Variants in FBXW2 observed in about 807,000 individuals in gnomAD.
The protein encoded by FBXW2 is F-box and WD repeat domain containing 2, also known as F-box/WD repeat-containing protein 2.
A neutral mutation model predicts 46.0 loss-of-function variants in FBXW2; 12 were observed. The observed-to-expected ratio is 0.26, with a 90% CI of 0.17 to 0.42. The LOEUF (loss-of-function observed/expected upper bound fraction) is 0.42, where lower values mean the gene tolerates loss of function less well. Among genes scored for constraint, FBXW2 ranks in the 10% least tolerant of loss-of-function variants. The pLI is 1.00. For missense variants in FBXW2, 360 were observed against 537.0 expected (o/e 0.67, Z 3.26); for synonymous variants, 203 against 209.6 (o/e 0.97, Z 0.27).
At chr9:120,772,050 C>G (rs2044386540) in intron 6 of FBXW2, among the ~76,000 whole-genome samples, 1 of 135,942 alleles carries the variant, frequency 7.4e-6, no homozygotes, top group Non-Finnish European at 1.5e-5. Flanking sequence ...CAGAGTGAGA[C>G]CCTGTCTCAG....
At chr9:120,786,018 CAAA>C (rs3047150) in intron 3 of FBXW2, among the ~76,000 whole-genome samples, 7,086 of 38,576 alleles carry the variant, frequency 0.18, 58 homozygotes, top group Non-Finnish European at 0.21. Flanking sequence ...GACTCCATCT[CAAA>C]AAAAAAAAAA....
At position 120,792,521 on chromosome 9, in the gene FBXW2, A is replaced by G. The variant is rs750381068; in HGVS notation, c.-21+628T>C. The G allele has an allele frequency of 5.2e-4, 82 of 158,520 alleles. 2 individuals are homozygous for G. Among genetic ancestry groups the G allele is most frequent in the Non-Finnish European group, 1.0e-3 (74 of 71,380 alleles). The allele number at this position is 158,520 out of a possible 1,614,324, so 9.8% of individuals were successfully genotyped here. On this transcript the variant is annotated intron_variant, in intron 2 of 7. Coordinates refer to ENST00000608872, the MANE Select transcript of FBXW2 (RefSeq NM_012164.4). ...CCCTTTTTATTGTATACCTTTTAAAACTGAAAACCATGTTAAGTATAATAT... is the reference window on the plus strand; with the variant it reads ...CCCTTTTTATTGTATACCTTTTAAAGCTGAAAACCATGTTAAGTATAATAT...
rs2044408860 is a variant in FBXW2, at chr9:120,772,856, A to G, written c.820-16T>C. 3 of 1,574,666 alleles carry G rather than the reference A, an allele frequency of 1.9e-6. No homozygotes were observed. Among genetic ancestry groups the G allele is most frequent in the South Asian group, 2.2e-5 (2 of 89,738 alleles). On this transcript the variant is annotated splice_polypyrimidine_tract_variant and intron_variant, in intron 5 of 7. Coordinates refer to ENST00000608872, the MANE Select transcript of FBXW2 (RefSeq NM_012164.4). The stretch of plus-strand genomic sequence containing the variant: ...GCAAAACTACCTGCAAATGTAAACC[A>G]TGTTACGGAAAGATCCTTTTAATGC...
intron 6 of FBXW2, 108 bp downstream of exon 6, chr9:120,772,646 A>T: frequency 1.5e-6 from 1 of 663,970 alleles, no homozygotes; most frequent in Middle Eastern, 2.5e-4. Flanking sequence ...GGACTAAGAC[A>T]CTCCCCCTCC....
At position 120,771,481 on chromosome 9, in the gene FBXW2, A is replaced by G; in HGVS notation, c.943T>C (p.Leu315=). ...PIGREINCKC[L]KTLSVSEDRS... ...TCCTCAGAGACAGACAATGTCTTTA[A>G]GCACTTACAGTTGATTTCTCTCCCA... The change falls in exon 7 of 8, where the codon TTA becomes CTA. Residue 315 remains leucine, a synonymous_variant. Coordinates refer to ENST00000608872, the MANE Select transcript of FBXW2 (RefSeq NM_012164.4). 6.2e-7 allele frequency: 1 copy of G among 1,613,136 alleles called. No homozygotes were observed. The highest frequency in any genetic ancestry group is 8.5e-7 in the Non-Finnish European group (1 of 1,179,782).
At chr9:120,768,136 C>T (rs553538516) in intron 7 of FBXW2, among the ~76,000 whole-genome samples, 5 of 152,188 alleles carry the variant, frequency 3.3e-5, no homozygotes, top group Non-Finnish European at 7.3e-5. Flanking sequence ...TCAGGGCCTT[C>T]GAACGGACTA....
At chr9:120,792,388 C>T (rs2044864860) in intron 2 of FBXW2, 1 of 152,348 alleles carries the variant, frequency 6.6e-6, no homozygotes. Flanking sequence ...AATGTATACA[C>T]ACCTATAAAC....
At chr9:120,779,495 G>T (rs1197003123) in intron 3 of FBXW2, among the ~76,000 whole-genome samples, 1 of 152,206 alleles carries the variant, frequency 6.6e-6, no homozygotes, top group Non-Finnish European at 1.5e-5. Flanking sequence ...CATCACTTAT[G>T]AAAGAGCTAG....
At chr9:120,790,822 TA>T (rs888296710) in intron 2 of FBXW2, among the ~76,000 whole-genome samples, 7 of 150,032 alleles carry the variant, frequency 4.7e-5, no homozygotes, top group East Asian at 1.9e-4. Context: ...AACTTAAATT[TA>T]AAAAAAAAAT....
chr9:120,777,418 C>T (rs1464579793), intron 4 of FBXW2, among the ~76,000 whole-genome samples: 2 of 152,236 alleles, frequency 1.3e-5, no homozygotes, highest in Admixed American at 6.5e-5. Flanking sequence ...CAAGTAACTC[C>T]AGTCACATGG....
chr9:120,779,442 A>G (rs1043589336), intron 3 of FBXW2, among the ~76,000 whole-genome samples: 1 of 152,204 alleles, frequency 6.6e-6, no homozygotes, highest in African/African-American at 2.4e-5. Context: ...CCACAATTCT[A>G]CCTTCAGTCA....
At chr9:120,769,597 T>C (rs1240861887) in intron 7 of FBXW2, among the ~76,000 whole-genome samples, 1 of 152,204 alleles carries the variant, frequency 6.6e-6, no homozygotes, top group African/African-American at 2.4e-5. Context: ...AAAACAATAT[T>C]GAACTATAAA....
At chr9:120,777,795 G>A (rs1227300975) in intron 4 of FBXW2, among the ~76,000 whole-genome samples, 2 of 142,904 alleles carry the variant, frequency 1.4e-5, no homozygotes, top group Non-Finnish European at 3.0e-5. Flanking sequence ...GCAAAATAAG[G>A]ATGCTATACA....
intron 2 of FBXW2, among the ~76,000 whole-genome samples, chr9:120,789,019 C>T (rs1408154656): frequency 6.6e-6 from 1 of 152,020 alleles, no homozygotes; most frequent in African/African-American, 2.4e-5. Context: ...TAACCACGTG[C>T]CCCCGAGAGC....
intron 3 of FBXW2, among the ~76,000 whole-genome samples, chr9:120,779,854 T>C (rs896223730): frequency 2.6e-5 from 4 of 151,994 alleles, no homozygotes; most frequent in African/African-American, 7.3e-5. Flanking sequence ...ATAGTTACAT[T>C]AAAAAAGAAA....
Position 120,788,004 on chromosome 9 carries a change from T to G in FBXW2, c.255A>C (p.Lys85Asn), listed in dbSNP as rs909575084. The G allele has an allele frequency of 1.9e-6, 3 of 1,614,176 alleles. No homozygotes were observed. Among genetic ancestry groups the G allele is most frequent in the Non-Finnish European group, 2.5e-6 (3 of 1,180,026 alleles). The change falls in exon 3 of 8, where the codon AAA becomes AAC. Residue 85 changes from lysine (K) to asparagine (N), a missense_variant. Coordinates refer to ENST00000608872, the MANE Select transcript of FBXW2 (RefSeq NM_012164.4). The stretch of plus-strand genomic sequence containing the variant: ...AGGCACTTATCACCTTATTCCACTG[T>G]TTAGAGACGAGGCAGCATGTGAGTA... Reference protein sequence around the residue: ...QTLLTCCLVSKQWNKVISACT... With the variant: ...QTLLTCCLVSNQWNKVISACT...
intron 6 of FBXW2, among the ~76,000 whole-genome samples, chr9:120,772,101 TGA>T (rs1177550279): frequency 1.3e-5 from 2 of 148,620 alleles, no homozygotes. Flanking sequence ...AGTAAGAATG[TGA>T]GAGTACTTTG....
chr9:120,776,034 C>T, intron 5 of FBXW2, 59 bp downstream of exon 5: 1 of 1,595,852 alleles, frequency 6.3e-7, no homozygotes, highest in South Asian at 1.1e-5. Context: ...TGTCTACCAT[C>T]CTCCACGCCC....
intron 2 of FBXW2, chr9:120,792,903 C>A (rs780753108): frequency 5.2e-6 from 8 of 1,524,514 alleles, no homozygotes; most frequent in South Asian, 3.6e-5. Flanking sequence ...TCATGGCATA[C>A]CCACAATTAT....
Sources: gnomAD v4.1 joint callset for allele counts (sites outside exome capture counted in the v4.1 genomes callset) on GRCh38, gnomAD v4.1.1 for gene constraint, MANE v1.5 for transcripts, NCBI Gene and HGNC (gene_info 2026-07-23, HGNC 2026-07-21) for gene names.